Variants in DGLUCY observed in about 807,000 individuals in gnomAD.
DGLUCY encodes the protein D-glutamate cyclase, mitochondrial.
In DGLUCY, 58 loss-of-function variants were observed where a neutral mutation model predicts 58.5. The ratio of observed to expected loss-of-function variants is 0.99; its 90% CI spans 0.80 to 1.23. DGLUCY has a LOEUF of 1.23. Among genes scored for constraint, DGLUCY ranks in the 50% most tolerant of loss-of-function variants. The pLI is 0.00. For missense variants in DGLUCY, 779 were observed against 784.7 expected, an observed-to-expected ratio of 0.99 and a Z score of 0.09; for synonymous variants, 325 against 314.1, an observed-to-expected ratio of 1.03 and a Z score of -0.37.
At chr14:91,168,135 C>T (rs904914114) in intron 4 of DGLUCY, among the ~76,000 whole-genome samples, 14 of 151,862 alleles carry the variant, frequency 9.2e-5, no homozygotes, top group Admixed American at 2.0e-4. Context: ...CTGGGCATAG[C>T]GGTGCACACC....
chr14:91,064,661 T>TAAGA (rs997348531), intron 1 of DGLUCY, among the ~76,000 whole-genome samples: 8 of 140,294 alleles, frequency 5.7e-5, no homozygotes, highest in African/African-American at 2.1e-4. Flanking sequence ...AAAGTTGGAA[T>TAAGA]AAGAAGGTGG....
intron 1 of DGLUCY, among the ~76,000 whole-genome samples, chr14:91,062,558 AATAT>A (rs1157690131): frequency 4.2e-5 from 1 of 23,690 alleles, no homozygotes; most frequent in African/African-American, 2.0e-4. Context: ...AAAAAAAAAA[AATAT>A]ATATATATAT....
intron 1 of DGLUCY, among the ~76,000 whole-genome samples, chr14:91,088,784 C>T (rs1008092803): frequency 6.6e-5 from 10 of 152,228 alleles, no homozygotes; most frequent in Non-Finnish European, 1.5e-5. Flanking sequence ...TACCCAGAGT[C>T]ACCCCCAGGG....
intron 3 of DGLUCY, among the ~76,000 whole-genome samples, chr14:91,161,343 T>C (rs1290980455): frequency 6.6e-6 from 1 of 152,250 alleles, no homozygotes; most frequent in Non-Finnish European, 1.5e-5. Flanking sequence ...GTGCTGGAGT[T>C]ACAGGTGTGA....
intron 1 of DGLUCY, among the ~76,000 whole-genome samples, chr14:91,086,636 G>T (rs1478600573): frequency 1.3e-5 from 2 of 152,148 alleles, no homozygotes; most frequent in Non-Finnish European, 2.9e-5. Flanking sequence ...ATCCACAGAG[G>T]TGGAACCCAC....
intron 1 of DGLUCY, among the ~76,000 whole-genome samples, chr14:91,136,696 C>T (rs1339036967): frequency 3.3e-5 from 5 of 151,402 alleles, no homozygotes; most frequent in Non-Finnish European, 7.4e-5. Context: ...AAAAAAGGCA[C>T]GGTGGCTCGC....
chr14:91,139,477 G>A (rs530125230), intron 1 of DGLUCY, among the ~76,000 whole-genome samples: 33 of 152,308 alleles, frequency 2.2e-4, no homozygotes, highest in African/African-American at 6.5e-4. Flanking sequence ...TTGAGGTCAG[G>A]AGTTTGAAAC....
intron 13 of DGLUCY, among the ~76,000 whole-genome samples, chr14:91,223,149 C>G (rs1887750499): frequency 6.6e-6 from 1 of 152,134 alleles, no homozygotes; most frequent in African/African-American, 2.4e-5. Context: ...TTCCCTGAAC[C>G]ATGCCAATAA....
At chr14:91,147,264 T>C (rs2047061309) in intron 1 of DGLUCY, among the ~76,000 whole-genome samples, 1 of 152,174 alleles carries the variant, frequency 6.6e-6, no homozygotes, top group Non-Finnish European at 1.5e-5. Context: ...TTATGCAATG[T>C]CATAAAGAAT....
chr14:91,190,113 G>A (rs928902815), intron 9 of DGLUCY, among the ~76,000 whole-genome samples: 18 of 147,544 alleles, frequency 1.2e-4, no homozygotes, highest in African/African-American at 3.2e-4. Context: ...TCAGCCTCCC[G>A]AGTAGCTGGG....
At chr14:91,101,164 A>G (rs1319917618) in intron 1 of DGLUCY, among the ~76,000 whole-genome samples, 1 of 152,210 alleles carries the variant, frequency 6.6e-6, no homozygotes, top group Non-Finnish European at 1.5e-5. Flanking sequence ...AAGATATTTG[A>G]TAGATCAGTG....
intron 13 of DGLUCY, 79 bp downstream of exon 13, chr14:91,215,635 A>C (rs1384335688): frequency 1.2e-6 from 2 of 1,607,000 alleles, no homozygotes; most frequent in Non-Finnish European, 8.5e-7. Context: ...CCCAAGCCGT[A>C]AGCCGAGGGC....
At chr14:91,091,567 G>T (rs4904745) in intron 1 of DGLUCY, among the ~76,000 whole-genome samples, 41,782 of 152,028 alleles carry the variant, frequency 0.27, 6,637 homozygotes, top group African/African-American at 0.43. Flanking sequence ...CTGTCCATTT[G>T]TCTGTTCTCA....
At chr14:91,159,623 AAGATTGTATAAGGCACTGTGCCT>A (rs2047864809) in intron 2 of DGLUCY, among the ~76,000 whole-genome samples, 1 of 152,184 alleles carries the variant, frequency 6.6e-6, no homozygotes, top group African/African-American at 2.4e-5. Context: ...TTACTCACCA[AAGATTGTATAAGGCACTGTGCCT>A]AGAGTGGGGT....
chr14:91,201,098 C>T (rs1319294185), intron 11 of DGLUCY, among the ~76,000 whole-genome samples: 3 of 151,634 alleles, frequency 2.0e-5, no homozygotes, highest in Admixed American at 1.3e-4. Flanking sequence ...ATGGCAAGGG[C>T]GGGGAGGGTG....
upstream of DGLUCY, among the ~76,000 whole-genome samples, chr14:91,104,170 C>T (rs1278043175): frequency 6.8e-6 from 1 of 146,700 alleles, no homozygotes; most frequent in Non-Finnish European, 1.5e-5. Flanking sequence ...TCACACCATT[C>T]TCCTGCCTCA....
At chr14:91,061,181 T>C (rs2043667964) in intron 1 of DGLUCY, among the ~76,000 whole-genome samples, 1 of 152,170 alleles carries the variant, frequency 6.6e-6, no homozygotes, top group African/African-American at 2.4e-5. Context: ...CAGCGATCCA[T>C]GCGTGTGTGA....
Position 91,176,050 on chromosome 14 carries a change from A to G in DGLUCY, c.724A>G (p.Ser242Gly), listed in dbSNP as rs2048834642. The change falls in exon 7 of 14, where the codon AGC becomes GGC. Residue 242 changes from serine to glycine, a missense_variant. Ser to Gly is a moderately conservative substitution (Grantham distance 56). Coordinates refer to ENST00000256324, the MANE Select transcript of DGLUCY (RefSeq NM_001102368.3). The stretch of plus-strand genomic sequence containing the variant: ...GCTGACCAGTCTCGGAGCTGTCAGC[A>G]GCTGTGGTACGTTGGGGGATAATGG... ...SPLTSLGAVS[S>G]CETPLAFASI... is the part of the protein sequence containing the mutation. 6.2e-7 allele frequency: 1 copy of G among 1,613,796 alleles called. No individual in the cohort carries two copies. Among genetic ancestry groups the G allele is most frequent in the African/African-American group, 1.3e-5 (1 of 74,918 alleles).
At chr14:91,198,060 T>G (rs1292512032) in intron 10 of DGLUCY, among the ~76,000 whole-genome samples, 1 of 152,234 alleles carries the variant, frequency 6.6e-6, no homozygotes, top group Middle Eastern at 3.2e-3. Context: ...TTCTTTTTTT[T>G]GAGACAGAAT....
Sources: gnomAD v4.1 joint callset for allele counts (sites outside exome capture counted in the v4.1 genomes callset) on GRCh38, gnomAD v4.1.1 for gene constraint, MANE v1.5 for transcripts, NCBI Gene and HGNC (gene_info 2026-07-23, HGNC 2026-07-21) for gene names.